Variants in BAZ2B observed in about 807,000 individuals in gnomAD.
The protein encoded by BAZ2B is bromodomain adjacent to zinc finger domain protein 2B.
Under a neutral mutation model 246.0 loss-of-function variants are expected in BAZ2B, and 91 were observed. The observed-to-expected ratio is 0.37, with a 90% confidence interval of 0.31 to 0.44. The LOEUF (loss-of-function observed/expected upper bound fraction) is 0.44, where lower values mean the gene tolerates loss of function less well. Among genes scored for constraint, BAZ2B ranks in the 20% least tolerant of loss-of-function variants. The pLI is 1.00. For missense variants in BAZ2B, 2,332 were observed against 2,533.7 expected (o/e 0.92, Z 1.71); for synonymous variants, 855 against 860.0 (o/e 0.99, Z 0.10).
At chr2:159,347,437 G>A (rs2068066421) in intron 31 of BAZ2B, 49 bp downstream of exon 31, 1 of 1,558,992 alleles carries the variant, frequency 6.4e-7, no homozygotes, top group Non-Finnish European at 8.8e-7. Flanking sequence ...ATAAACATTA[G>A]TTATCTTCCA....
the BAZ2B span, among the ~76,000 whole-genome samples, chr2:159,636,341 G>T: frequency 6.6e-6 from 1 of 152,176 alleles, no homozygotes; most frequent in Admixed American, 6.5e-5. Flanking sequence ...TGTGTTGCAT[G>T]GAGAGAAACT....
the BAZ2B span, among the ~76,000 whole-genome samples, chr2:159,710,192 C>T: frequency 6.6e-6 from 1 of 150,682 alleles, no homozygotes; most frequent in Non-Finnish European, 1.5e-5. Context: ...TATTCACATC[C>T]ATAATTCCTA....
intron 19 of BAZ2B, 187 bp downstream of exon 19, chr2:159,397,158 A>AT: frequency 6.9e-7 from 1 of 1,456,900 alleles, no homozygotes; most frequent in Admixed American, 2.1e-5. Context: ...CATAAAACCA[A>AT]TTTTTTAACC....
chr2:159,668,210 T>C, the BAZ2B span, among the ~76,000 whole-genome samples: 1 of 152,218 alleles, frequency 6.6e-6, no homozygotes, highest in Non-Finnish European at 1.5e-5. Context: ...TATTATATTC[T>C]TTAACATTGT....
chr2:159,519,816 A>AC (rs1257286894), intron 2 of BAZ2B, among the ~76,000 whole-genome samples: 2 of 48,084 alleles, frequency 4.2e-5, no homozygotes, highest in African/African-American at 6.2e-5. Flanking sequence ...GAGACTGGCC[A>AC]AGGGACCTTT....
At chr2:159,610,682 T>G (rs142123043) in intron 1 of BAZ2B, among the ~76,000 whole-genome samples, 1 of 152,318 alleles carries the variant, frequency 6.6e-6, no homozygotes, top group African/African-American at 2.4e-5. Context: ...GCAATAGTTT[T>G]TATTTGAATG....
Position 159,347,639 on chromosome 2 carries a change from A to G in BAZ2B, c.5301T>C (p.Ile1767=), listed in dbSNP as rs772558140. Residue 1767 remains isoleucine, a synonymous_variant, in exon 31 of 37, where the codon ATT becomes ATC. Coordinates refer to ENST00000392783, the MANE Select transcript of BAZ2B (RefSeq NM_013450.4). ...QACLKNKDVA[I]IELNENEENQ... ...TTTCTTCATTTTCATTCAGTTCAAT[A>G]ATAGCAACTACATTTAAAAAGAAAT... 7 of 1,602,092 alleles carry G rather than the reference A, an allele frequency of 4.4e-6. No individual in the cohort carries two copies. In the African/African-American group the frequency reaches 6.7e-5, roughly 15 times the overall value.
At position 159,405,061 on chromosome 2, in the gene BAZ2B, C is replaced by T. The variant is rs1355615808; in HGVS notation, c.2731G>A (p.Glu911Lys). ...IKLLRKLQKQ[E>K]QARVAKEAKK... ...GCTTCTTTAGCAACCCGAGCCTGTT[C>T]CTGCTTTTGAAGTTTTCTCAAAAGC... The change falls in exon 15 of 37, where the codon GAA becomes AAA. Residue 911 changes from glutamate (E) to lysine (K), a missense_variant. Glu to Lys is a moderately conservative substitution (Grantham distance 56). This residue lies in a region of BAZ2B where 651 missense variants were observed against 650.9 expected (regional missense o/e 1.00). Coordinates refer to ENST00000392783, the MANE Select transcript of BAZ2B (RefSeq NM_013450.4). 1 of 1,614,036 alleles carries T rather than the reference C, an allele frequency of 6.2e-7. No individual in the cohort carries two copies. The highest frequency in any genetic ancestry group is 8.5e-7 in the Non-Finnish European group (1 of 1,179,980).
the BAZ2B span, among the ~76,000 whole-genome samples, chr2:159,678,671 T>C: frequency 6.6e-6 from 1 of 152,096 alleles, no homozygotes; most frequent in Non-Finnish European, 1.5e-5. Flanking sequence ...TTTCCTAAAA[T>C]TGATTTAAAA....
chr2:159,530,273 G>A (rs1219435063), intron 2 of BAZ2B, among the ~76,000 whole-genome samples: 1 of 152,080 alleles, frequency 6.6e-6, no homozygotes, highest in Non-Finnish European at 1.5e-5. Flanking sequence ...TAGGTTTTAG[G>A]TGTGTAATGC....
intron 3 of BAZ2B, chr2:159,461,303 A>G (rs1294315482): frequency 1.3e-5 from 2 of 152,608 alleles, no homozygotes; most frequent in Non-Finnish European, 2.9e-5. Flanking sequence ...GATTACACAC[A>G]TACCTGCCAA....
At chr2:159,383,783 ATAAG>A in intron 23 of BAZ2B, 103 bp from the exon 24 acceptor site, 1 of 959,984 alleles carries the variant, frequency 1.0e-6, no homozygotes, top group Non-Finnish European at 1.6e-6. Flanking sequence ...GCATTTTTGA[ATAAG>A]TAAAAATGAT....
intron 22 of BAZ2B, 88 bp from the exon 23 acceptor site, chr2:159,385,457 T>C: frequency 8.5e-7 from 1 of 1,176,730 alleles, no homozygotes; most frequent in Non-Finnish European, 1.2e-6. Context: ...TATTATTTGA[T>C]TTAGATACTA....
At chr2:159,345,535 C>T (rs1310070318) in intron 31 of BAZ2B, among the ~76,000 whole-genome samples, 1 of 152,152 alleles carries the variant, frequency 6.6e-6, no homozygotes, top group Non-Finnish European at 1.5e-5. Context: ...AACATTTAAG[C>T]AGTCAGCAAT....
At chr2:159,334,355 C>T (rs894349542) in intron 33 of BAZ2B, among the ~76,000 whole-genome samples, 1 of 152,146 alleles carries the variant, frequency 6.6e-6, no homozygotes, top group African/African-American at 2.4e-5. Context: ...ATAGTGGATG[C>T]TGCCTACTGT....
rs1036688739 is a variant in BAZ2B at position 159,538,019 on chromosome 2, A to G, written c.-3+17804T>C. On this transcript the variant is annotated intron_variant, in intron 2 of 36. Coordinates refer to ENST00000392783, the MANE Select transcript of BAZ2B (RefSeq NM_013450.4). ...TTTTTTGTTTGTTTGTTTGTTTAGG[A>G]GGAGTCTCACTCTGTTGCTCAGGCT... Among the ~76,000 whole-genome samples the G allele has an allele frequency of 2.6e-5, 4 of 151,988 alleles. No individual in the cohort carries two copies. In the East Asian group the frequency reaches 5.8e-4, roughly 22 times the overall value.
intron 1 of BAZ2B, among the ~76,000 whole-genome samples, chr2:159,561,775 A>G (rs765236756): frequency 3.6e-4 from 55 of 152,164 alleles, no homozygotes; most frequent in Admixed American, 7.2e-4. Context: ...CCTCAATTCT[A>G]TTTGGTAGGA....
At chr2:159,633,775 C>T in the BAZ2B span, among the ~76,000 whole-genome samples, 1 of 142,198 alleles carries the variant, frequency 7.0e-6, no homozygotes, top group South Asian at 2.2e-4. Flanking sequence ...GAGTCTCACT[C>T]CGTCACCCAG....
At chr2:159,363,847 T>C (rs935343404) in intron 27 of BAZ2B, among the ~76,000 whole-genome samples, 1 of 151,458 alleles carries the variant, frequency 6.6e-6, no homozygotes, top group African/African-American at 2.4e-5. Flanking sequence ...AGAGGTGGAG[T>C]CACCAGAAGA....
Sources: gnomAD v4.1 joint callset for allele counts (sites outside exome capture counted in the v4.1 genomes callset) on GRCh38, gnomAD v4.1.1 for gene constraint, gnomAD v4.1.1 regional missense constraint, MANE v1.5 for transcripts, NCBI Gene and HGNC (gene_info 2026-07-23, HGNC 2026-07-21) for gene names.